Variants in BRD10 observed in about 807,000 individuals in gnomAD.
BRD10 encodes bromodomain containing 10.
the BRD10 span, chr9:5,988,617 T>C: frequency 6.4e-6 from 7 of 1,098,182 alleles, no homozygotes; most frequent in South Asian, 6.7e-5. Context: ...AGCCAGCAAC[T>C]TAAGAATCCC....
chr9:5,886,517 C>CA, the BRD10 span, among the ~76,000 whole-genome samples: 1 of 152,200 alleles, frequency 6.6e-6, no homozygotes, highest in African/African-American at 2.4e-5. Flanking sequence ...CAGATGCGTG[C>CA]ACTGGGGCTT....
the BRD10 span, among the ~76,000 whole-genome samples, chr9:5,954,252 GC>G: frequency 3.9e-5 from 6 of 152,270 alleles, no homozygotes. Context: ...CCCAGTAAAA[GC>G]AAACATTAAA....
At chr9:5,938,458 A>G in the BRD10 span, among the ~76,000 whole-genome samples, 1 of 152,110 alleles carries the variant, frequency 6.6e-6, no homozygotes, top group Non-Finnish European at 1.5e-5. Context: ...TAAAAATAAT[A>G]AAAATAAATT....
At chr9:5,966,429 T>C in the BRD10 span, among the ~76,000 whole-genome samples, 1 of 149,954 alleles carries the variant, frequency 6.7e-6, no homozygotes. Context: ...TAAAATATTA[T>C]TTAATATTTT....
chr9:5,889,514 C>T, the BRD10 span, among the ~76,000 whole-genome samples: 13 of 152,260 alleles, frequency 8.5e-5, no homozygotes, highest in Admixed American at 3.9e-4. Flanking sequence ...AGGCTGGGCG[C>T]GGTGGCTCAT....
At chr9:5,953,715 T>C in the BRD10 span, among the ~76,000 whole-genome samples, 1 of 151,574 alleles carries the variant, frequency 6.6e-6, no homozygotes, top group African/African-American at 2.4e-5. Context: ...CACACACATA[T>C]ACTATATAGT....
chr9:5,919,668 C>T, the BRD10 span: 1 of 1,572,864 alleles, frequency 6.4e-7, no homozygotes, highest in Non-Finnish European at 8.6e-7. Context: ...TAAAAACTGG[C>T]TCTTTTAGTC....
the BRD10 span, among the ~76,000 whole-genome samples, chr9:5,933,357 T>C: frequency 1.3e-5 from 2 of 152,248 alleles, no homozygotes; most frequent in Non-Finnish European, 2.9e-5. Flanking sequence ...GCAGTATTTT[T>C]CTTTTATGAA....
chr9:6,007,137 C>T, the BRD10 span: 5 of 1,532,290 alleles, frequency 3.3e-6, no homozygotes, highest in Non-Finnish European at 4.5e-6. Flanking sequence ...TCCTCGGGCA[C>T]GTGTGAGTGT....
At chr9:5,878,871 A>G in the BRD10 span, among the ~76,000 whole-genome samples, 1 of 152,256 alleles carries the variant, frequency 6.6e-6, no homozygotes, top group Non-Finnish European at 1.5e-5. Flanking sequence ...TATTTAGTTC[A>G]GTGTTTTCCA....
At chr9:5,919,931 G>A in the BRD10 span, 5 of 1,613,994 alleles carry the variant, frequency 3.1e-6, no homozygotes, top group Admixed American at 8.3e-5. Flanking sequence ...GGGGCAAATG[G>A]CAGAAACCAA....
the BRD10 span, among the ~76,000 whole-genome samples, chr9:5,996,817 T>C: frequency 6.6e-6 from 1 of 152,194 alleles, no homozygotes; most frequent in Admixed American, 6.5e-5. Flanking sequence ...CTGCTGAACA[T>C]ACTACTACTG....
chr9:5,942,811 G>T, the BRD10 span, among the ~76,000 whole-genome samples: 1 of 152,128 alleles, frequency 6.6e-6, no homozygotes, highest in Non-Finnish European at 1.5e-5. Context: ...AAACCCTAGG[G>T]TAATCTAAAA....
the BRD10 span, among the ~76,000 whole-genome samples, chr9:5,926,722 G>A: frequency 2.0e-5 from 3 of 151,904 alleles, no homozygotes; most frequent in East Asian, 3.9e-4. Flanking sequence ...TAGTAGAGAC[G>A]GGGTTTCATC....
chr9:5,955,165 G>A, the BRD10 span, among the ~76,000 whole-genome samples: 2 of 151,802 alleles, frequency 1.3e-5, no homozygotes, highest in Admixed American at 6.6e-5. Context: ...TTTGTAATTA[G>A]CAAAATCAAT....
the BRD10 span, among the ~76,000 whole-genome samples, chr9:5,918,557 T>C: frequency 9.3e-5 from 14 of 151,232 alleles, no homozygotes; most frequent in Non-Finnish European, 1.6e-4. Context: ...TACAAAAAAT[T>C]AAAAAATTAG....
chr9:5,941,623 C>T, the BRD10 span, among the ~76,000 whole-genome samples: 55 of 152,142 alleles, frequency 3.6e-4, no homozygotes, highest in African/African-American at 1.3e-3. Flanking sequence ...TCACATTAAC[C>T]ATAAACAAAA....
the BRD10 span, among the ~76,000 whole-genome samples, chr9:5,946,448 C>A: frequency 6.6e-6 from 1 of 152,136 alleles, no homozygotes; most frequent in South Asian, 2.1e-4. Context: ...AAGCAGTGGA[C>A]TGGCCAACCA....
chr9:5,879,770 T>A, the BRD10 span, among the ~76,000 whole-genome samples: 1 of 152,222 alleles, frequency 6.6e-6, no homozygotes, highest in Admixed American at 6.5e-5. Flanking sequence ...CTCTAGGTTC[T>A]AGCTTATTTA....
Sources: gnomAD v4.1 joint callset for allele counts (sites outside exome capture counted in the v4.1 genomes callset) on GRCh38, gnomAD v4.1.1 for gene constraint, MANE v1.5 for transcripts, NCBI Gene and HGNC (gene_info 2026-07-23, HGNC 2026-07-21) for gene names.